The following TIAM1 variants were observed in gnomAD, a reference collection of about 807,000 sequenced individuals.
TIAM1 encodes the protein rho guanine nucleotide exchange factor TIAM1.
A neutral mutation model predicts 163.5 loss-of-function variants in TIAM1; 65 were observed. The observed-to-expected ratio is 0.40, with a 90% CI of 0.33 to 0.49. TIAM1 has a LOEUF of 0.49. Among genes scored for constraint, TIAM1 ranks in the 20% least tolerant of loss-of-function variants. The pLI, the probability that TIAM1 is intolerant of heterozygous loss-of-function variation, is 0.77. For synonymous variants in TIAM1, 833 were observed against 810.1 expected, an observed-to-expected ratio of 1.03 and a Z score of -0.48; for missense variants, 1,789 against 2,044.7, an observed-to-expected ratio of 0.87 and a Z score of 2.41.
intron 2 of TIAM1, among the ~76,000 whole-genome samples, chr21:31,311,498 T>C (rs558090949): frequency 1.1e-4 from 17 of 152,302 alleles, no homozygotes; most frequent in African/African-American, 3.8e-4. Flanking sequence ...ATCTGACACC[T>C]GGGTCTAAGC....
chr21:31,416,906 G>A (rs183378547), intron 2 of TIAM1, among the ~76,000 whole-genome samples: 5 of 152,290 alleles, frequency 3.3e-5, no homozygotes, highest in South Asian at 2.1e-4. Context: ...GTGTGGGACC[G>A]AATCAACAAG....
At chr21:31,164,458 TTACTA>T (rs2084108858) in intron 16 of TIAM1, among the ~76,000 whole-genome samples, 1 of 152,166 alleles carries the variant, frequency 6.6e-6, no homozygotes, top group Non-Finnish European at 1.5e-5. Context: ...GAGAACTTTC[TTACTA>T]TGTTCAACTA....
intron 1 of TIAM1, among the ~76,000 whole-genome samples, chr21:31,523,953 C>G (rs1308196289): frequency 6.6e-6 from 1 of 150,970 alleles, no homozygotes; most frequent in African/African-American, 2.4e-5. Flanking sequence ...ACTCTGCCTG[C>G]TCTGCAGGCA....
At position 31,395,428 on chromosome 21, in the gene TIAM1, G is replaced by A. The variant is rs2077048853; in HGVS notation, c.-368-56006C>T. On this transcript the variant is annotated intron_variant, in intron 2 of 28. Coordinates refer to the TIAM1 transcript ENST00000286827. The surrounding 1 kb of genome is among the most constrained non-coding windows in gnomAD (Gnocchi z 7.5). ...CTGCAGCCATGTGACAATAAGGATG[G>A]CTTTCACACCAGAGCAGCAGGGAAA... Among the ~76,000 whole-genome samples the A allele has an allele frequency of 6.6e-6, 1 of 152,150 alleles. No individual in the cohort carries two copies. Among genetic ancestry groups the A allele is most frequent in the African/African-American group, 2.4e-5 (1 of 41,426 alleles).
chr21:31,296,881 T>A (rs138083116), intron 2 of TIAM1, among the ~76,000 whole-genome samples: 19 of 152,280 alleles, frequency 1.2e-4, no homozygotes, highest in Non-Finnish European at 2.8e-4. Flanking sequence ...GCCAGGATGG[T>A]CTTGATTTCC....
chr21:31,192,590 G>A (rs1264987737), intron 13 of TIAM1, among the ~76,000 whole-genome samples: 2 of 151,762 alleles, frequency 1.3e-5, no homozygotes, highest in Non-Finnish European at 1.5e-5. Flanking sequence ...CAGCCTGGGC[G>A]ACAGAGGGAA....
intron 1 of TIAM1, among the ~76,000 whole-genome samples, chr21:31,523,643 G>A (rs1472376121): frequency 1.3e-5 from 2 of 152,166 alleles, no homozygotes; most frequent in African/African-American, 4.8e-5. Flanking sequence ...TACGTACTCA[G>A]TGGGGCAAGA....
At chr21:31,250,151 GAAAAAAAAAA>G (rs755928120) in intron 5 of TIAM1, among the ~76,000 whole-genome samples, 1 of 58,866 alleles carries the variant, frequency 1.7e-5, no homozygotes, top group African/African-American at 5.6e-5. Context: ...GTCTCAAACA[GAAAAAAAAAA>G]AAAAAAAAAA....
At chr21:31,335,428 T>C (rs960499135) in intron 2 of TIAM1, among the ~76,000 whole-genome samples, 1 of 151,948 alleles carries the variant, frequency 6.6e-6, no homozygotes, top group Non-Finnish European at 1.5e-5. Context: ...AGAAATAAAC[T>C]CAAGCCAGGT....
At chr21:31,148,230 C>T (rs2083225370) in intron 19 of TIAM1, among the ~76,000 whole-genome samples, 1 of 152,022 alleles carries the variant, frequency 6.6e-6, no homozygotes, top group South Asian at 2.1e-4. Flanking sequence ...GCTGTGTCCT[C>T]ACTCAAATCT....
In TIAM1 at chr21:31,120,652, C is replaced by A; in HGVS notation, c.4492G>T (p.Asp1498Tyr). ...CTGAGGATGTCTGTCTCCTTGATGT[C>A]ATCTTGCTCCTCATACTGAGCAAGA... ...FDLAQYEEQD[D>Y]IKETDILSDD... The change falls in exon 28 of 28, where the codon GAC (aspartate) becomes TAC (tyrosine). Residue 1498 changes from aspartate (D) to tyrosine (Y), a missense_variant. By Grantham distance (160) the Asp-to-Tyr change is radical (BLOSUM62 -3). Around this residue, in one of 5 missense-constraint regions of TIAM1, gnomAD observed 415 missense variants for 439.2 expected, o/e 0.94. Transcript: ENST00000541036. The surrounding 1 kb of genome is among the most constrained non-coding windows in gnomAD (Gnocchi z 4.2). 1 of 1,614,150 alleles carries A rather than the reference C, an allele frequency of 6.2e-7. No homozygotes were observed. The highest frequency in any genetic ancestry group is 8.5e-7 in the Non-Finnish European group (1 of 1,180,044).
intron 1 of TIAM1, among the ~76,000 whole-genome samples, chr21:31,557,132 G>T (rs1250019065): frequency 2.0e-5 from 3 of 152,172 alleles, no homozygotes; most frequent in African/African-American, 7.2e-5. Flanking sequence ...GAAGAAAGAA[G>T]AAACAACTAA....
At chr21:31,506,328 T>C (rs1259543203) in intron 1 of TIAM1, among the ~76,000 whole-genome samples, 1 of 151,846 alleles carries the variant, frequency 6.6e-6, no homozygotes, top group Non-Finnish European at 1.5e-5. Flanking sequence ...TTTTTTAAGG[T>C]ATAAGAAATA....
chr21:31,217,460 C>T (rs2087283815), intron 9 of TIAM1, 93 bp downstream of exon 9: 2 of 1,512,490 alleles, frequency 1.3e-6, no homozygotes, highest in Admixed American at 2.0e-5. Context: ...TTAAATAACA[C>T]TCGGCCTCAC....
chr21:31,189,199 C>T (rs915730768), intron 13 of TIAM1, among the ~76,000 whole-genome samples: 1 of 151,548 alleles, frequency 6.6e-6, no homozygotes, highest in Non-Finnish European at 1.5e-5. Context: ...GGATTACAGG[C>T]ACACACCACC....
intron 2 of TIAM1, among the ~76,000 whole-genome samples, chr21:31,438,034 A>T (rs558778705): frequency 1.1e-4 from 17 of 152,316 alleles, no homozygotes; most frequent in African/African-American, 4.1e-4. Flanking sequence ...AACCCTTCCA[A>T]GATGATGCTG....
chr21:31,549,491 G>A (rs1322858076), intron 1 of TIAM1, among the ~76,000 whole-genome samples: 1 of 152,176 alleles, frequency 6.6e-6, no homozygotes, highest in East Asian at 1.9e-4. Flanking sequence ...AATTAAAAAT[G>A]AGCAACACGT....
At chr21:31,445,321 A>G (rs547229949) in intron 2 of TIAM1, among the ~76,000 whole-genome samples, 17 of 152,254 alleles carry the variant, frequency 1.1e-4, no homozygotes, top group Admixed American at 4.6e-4. Context: ...TAATGCTAAG[A>G]CCAGCCTCAC....
At chr21:31,349,490 G>A (rs1365384019) in intron 2 of TIAM1, among the ~76,000 whole-genome samples, 1 of 152,170 alleles carries the variant, frequency 6.6e-6, no homozygotes, top group Non-Finnish European at 1.5e-5. Context: ...ATGTGTTCAC[G>A]GGGGGTAAAA....
Sources: allele counts gnomAD v4.1 joint callset (sites outside exome capture counted in the v4.1 genomes callset), GRCh38; gene constraint gnomAD v4.1.1; regional missense constraint gnomAD v4.1.1; non-coding constraint Gnocchi (gnomAD v3.1); transcripts MANE v1.5; gene names NCBI Gene and HGNC (gene_info 2026-07-23, HGNC 2026-07-21).